The following ALK variants were observed in gnomAD, a reference collection of about 807,000 sequenced individuals.
ALK encodes ALK receptor tyrosine kinase.
Under a neutral mutation model 163.1 loss-of-function variants are expected in ALK, and 74 were observed. The ratio of observed to expected loss-of-function variants is 0.45; its 90% confidence interval spans 0.38 to 0.55. The LOEUF is 0.55. Among genes scored for constraint, ALK ranks in the 20% least tolerant of loss-of-function variants. ALK has a pLI of 0.00. For missense variants in ALK, 2,063 were observed against 2,105.3 expected (o/e 0.98, Z 0.39); for synonymous variants, 960 against 843.2 (o/e 1.14, Z -2.40).
intron 3 of ALK, among the ~76,000 whole-genome samples, chr2:29,666,039 T>A (rs1012429303): frequency 6.6e-6 from 1 of 152,110 alleles, no homozygotes; most frequent in African/African-American, 2.4e-5. Flanking sequence ...CACGCAACAG[T>A]GCTCATCTCT....
chr2:29,201,083 A>G (rs1669166995), intron 26 of ALK, among the ~76,000 whole-genome samples: 2 of 151,522 alleles, frequency 1.3e-5, no homozygotes, highest in African/African-American at 4.9e-5. Flanking sequence ...AAAGGAGGTT[A>G]TGATTAAAGA....
intron 1 of ALK, among the ~76,000 whole-genome samples, chr2:29,873,448 G>A (rs1227496618): frequency 6.6e-6 from 1 of 152,166 alleles, no homozygotes; most frequent in Non-Finnish European, 1.5e-5. Context: ...TTTGTCAGGT[G>A]CAGGCACTGA....
Position 29,535,206 on chromosome 2 carries a change from T to C in ALK, c.953-3090A>G, listed in dbSNP as rs144282174. On this transcript the variant is annotated intron_variant, in intron 3 of 28. Transcript: ENST00000389048. ...TAGCAGCACACAGACCTTCACCCAG[T>C]GTGGCCATGGGGGTGTGGAGAGGCA... 9.0e-3 allele frequency among the ~76,000 whole-genome samples: 1,377 copies of C among 152,342 alleles called. 21 individuals carry two copies. Among genetic ancestry groups the C allele is most frequent in the Non-Finnish European group, 8.5e-3 (579 of 68,028 alleles).
chr2:29,400,725 G>T (rs538206093), intron 4 of ALK, among the ~76,000 whole-genome samples: 198 of 152,238 alleles, frequency 1.3e-3, no homozygotes, highest in African/African-American at 4.6e-3. Context: ...CTGTGGTCCG[G>T]GTACCTTGGG....
At chr2:29,729,804 T>G (rs1172221161) in intron 1 of ALK, among the ~76,000 whole-genome samples, 1 of 152,124 alleles carries the variant, frequency 6.6e-6, no homozygotes, top group Non-Finnish European at 1.5e-5. Context: ...ACTTTCGGTT[T>G]TACTATAGAA....
At chr2:29,320,536 T>C (rs1666998895) in intron 7 of ALK, among the ~76,000 whole-genome samples, 1 of 152,242 alleles carries the variant, frequency 6.6e-6, no homozygotes, top group South Asian at 2.1e-4. Flanking sequence ...ATGGTTCTTA[T>C]TTTAAGTAAC....
At position 29,228,913 on chromosome 2, in the gene ALK, G is replaced by T; in HGVS notation, c.2786C>A (p.Ser929Tyr). The change falls in exon 16 of 29, where the codon TCC becomes TAC. Residue 929 changes from serine (S) to tyrosine (Y), a missense_variant. Transcript: ENST00000389048. ...ATATCCTCCGCCTCCTCCACCTGAG[G>T]AGCACCCCCCTCCACCCCCTCCGAA... The part of the protein sequence containing the change: ...GGFGGGGGGC[S>Y]SGGGGGGYIG... The T allele has an allele frequency of 6.3e-7, 1 of 1,589,650 alleles. No homozygotes were observed. The highest frequency in any genetic ancestry group is 8.6e-7 in the Non-Finnish European group (1 of 1,158,084).
At chr2:29,825,712 T>A (rs1336083642) in intron 1 of ALK, among the ~76,000 whole-genome samples, 1 of 121,072 alleles carries the variant, frequency 8.3e-6, no homozygotes, top group Non-Finnish European at 1.9e-5. Flanking sequence ...TCATTTTGTG[T>A]GTTTTTTTTT....
rs185484964 is a variant in ALK at position 29,316,206 on chromosome 2, T to G, written c.1647+2098A>C. 1.2e-3 allele frequency among the ~76,000 whole-genome samples: 176 copies of G among 152,318 alleles called. 1 individual carries two copies. Among genetic ancestry groups the G allele is most frequent in the African/African-American group, 4.1e-3 (169 of 41,548 alleles). ...ATATTTCTATTTTGGTTATTTATTT[T>G]CCTGATAAAAACATTTCTCCCAACA... is the stretch of plus-strand genomic sequence containing the variant. On this transcript the variant is annotated intron_variant, in intron 8 of 28. Coordinates refer to ENST00000389048, the MANE Select transcript of ALK (RefSeq NM_004304.5).
chr2:29,336,365 A>G (rs1268346709), intron 5 of ALK, among the ~76,000 whole-genome samples: 7 of 152,142 alleles, frequency 4.6e-5, no homozygotes, highest in African/African-American at 1.4e-4. Flanking sequence ...CTTCCAGGGC[A>G]TCTTTCCAAA....
chr2:29,374,553 C>T lies in ALK; in HGVS notation c.1282+9179G>A, dbSNP rs75692442. ...ACATAAATAACTGGAGAGAAGTAGA[C>T]GGTTCTAAAATAGATATACATGGAA... On this transcript the variant is annotated intron_variant, in intron 5 of 28. Coordinates refer to ENST00000389048, the MANE Select transcript of ALK (RefSeq NM_004304.5). Among the ~76,000 whole-genome samples the T allele has an allele frequency of 4.7e-3, 716 of 152,114 alleles. 8 individuals carry two copies. Among genetic ancestry groups the T allele is most frequent in the African/African-American group, 0.017 (688 of 41,468 alleles).
intron 1 of ALK, among the ~76,000 whole-genome samples, chr2:29,886,707 G>A (rs761382216): frequency 2.2e-4 from 33 of 152,252 alleles, no homozygotes; most frequent in Admixed American, 7.2e-4. Context: ...AGTTCACTTT[G>A]CACAAGTTAT....
chr2:29,705,827 C>G (rs578260954), intron 2 of ALK, among the ~76,000 whole-genome samples: 11 of 152,142 alleles, frequency 7.2e-5, no homozygotes, highest in Non-Finnish European at 2.9e-5. Flanking sequence ...TTTAATGATG[C>G]GCGTCATTGC....
At chr2:29,554,355 A>G (rs1382873372) in intron 3 of ALK, among the ~76,000 whole-genome samples, 4 of 152,234 alleles carry the variant, frequency 2.6e-5, no homozygotes, top group Admixed American at 2.0e-4. Flanking sequence ...CTAAATTTTA[A>G]GTGAGATCTA....
intron 1 of ALK, among the ~76,000 whole-genome samples, chr2:29,885,001 T>A (rs2148420809): frequency 6.6e-6 from 1 of 152,276 alleles, no homozygotes; most frequent in East Asian, 1.9e-4. Context: ...GGGTTTATGA[T>A]CAGGACTTAT....
At chr2:29,621,754 C>T (rs544882331) in intron 3 of ALK, among the ~76,000 whole-genome samples, 6 of 152,304 alleles carry the variant, frequency 3.9e-5, no homozygotes, top group Admixed American at 1.3e-4. Flanking sequence ...CCAGGTGACC[C>T]CCTCAAGAAT....
chr2:29,793,401 C>T (rs1664234128), intron 1 of ALK, among the ~76,000 whole-genome samples: 1 of 152,152 alleles, frequency 6.6e-6, no homozygotes, highest in Admixed American at 6.6e-5. Context: ...TTCCAAACCC[C>T]TGTTCATGTT....
At chr2:29,918,177 T>C (rs1027066036) in intron 1 of ALK, among the ~76,000 whole-genome samples, 1 of 152,220 alleles carries the variant, frequency 6.6e-6, no homozygotes, top group Non-Finnish European at 1.5e-5. Flanking sequence ...GTTGGCAGGT[T>C]CGGGGCTGTA....
chr2:29,470,888 T>G (rs1671331970), intron 4 of ALK, among the ~76,000 whole-genome samples: 1 of 152,192 alleles, frequency 6.6e-6, no homozygotes, highest in Admixed American at 6.5e-5. Context: ...GTAAAATATG[T>G]GTAGCTGTAA....
Sources: gnomAD v4.1 joint callset for allele counts (sites outside exome capture counted in the v4.1 genomes callset) on GRCh38, gnomAD v4.1.1 for gene constraint, MANE v1.5 for transcripts, NCBI Gene and HGNC (gene_info 2026-07-23, HGNC 2026-07-21) for gene names.